The following TRIP12 variants were observed in gnomAD, a reference collection of about 807,000 sequenced individuals.
TRIP12 encodes E3 ubiquitin-protein ligase TRIP12.
A neutral mutation model predicts 244.2 loss-of-function variants in TRIP12; 25 were observed. The observed-to-expected ratio is 0.10, with a 90% CI of 0.07 to 0.14. TRIP12 has a LOEUF of 0.14. Ranked by LOEUF, TRIP12 falls within the 10% of genes least tolerant of loss-of-function variation. The pLI, the probability that TRIP12 is intolerant of heterozygous loss-of-function variation, is 1.00. For missense variants in TRIP12, 1,677 were observed against 2,486.4 expected (o/e 0.67, Z 6.92); for synonymous variants, 905 against 873.1 (o/e 1.04, Z -0.64).
At chr2:229,919,171 T>C (rs1360032322) in intron 1 of TRIP12, among the ~76,000 whole-genome samples, 1 of 152,168 alleles carries the variant, frequency 6.6e-6, no homozygotes, top group Non-Finnish European at 1.5e-5. Context: ...CCCAGCACTT[T>C]GGGTGACCAA....
intron 5 of TRIP12, among the ~76,000 whole-genome samples, chr2:229,839,071 T>C (rs772580952): frequency 6.6e-6 from 1 of 152,234 alleles, no homozygotes; most frequent in South Asian, 2.1e-4. Context: ...TGCTGCATAA[T>C]GTTGTTTCTG....
intron 26 of TRIP12, among the ~76,000 whole-genome samples, chr2:229,793,928 T>G (rs113470696): frequency 7.9e-5 from 12 of 151,980 alleles, no homozygotes; most frequent in African/African-American, 2.7e-4. Flanking sequence ...TCTTCCAATA[T>G]AGCCCAGGGA....
chr2:229,791,364 C>CCT, intron 29 of TRIP12, 113 bp from the exon 30 acceptor site: 1 of 1,188,374 alleles, frequency 8.4e-7, no homozygotes, highest in Non-Finnish European at 1.2e-6. Flanking sequence ...GATCTATTCT[C>CCT]CTCTCTCTCC....
chr2:229,769,352 A>G, intron 39 of TRIP12, 27 bp from the exon 40 acceptor site: 2 of 1,607,010 alleles, frequency 1.2e-6, no homozygotes. Flanking sequence ...GGGTAAAAAG[A>G]ATTACTAAGG....
intron 7 of TRIP12, among the ~76,000 whole-genome samples, chr2:229,830,007 T>G (rs913425103): frequency 6.6e-6 from 1 of 152,166 alleles, no homozygotes; most frequent in African/African-American, 2.4e-5. Context: ...TAGAGATACT[T>G]GTATGTTCCC....
In TRIP12 at chr2:229,793,164, A is replaced by C; in HGVS notation, c.3969-19T>G. 6.2e-7 allele frequency: 1 copy of C among 1,601,182 alleles called. No individual in the cohort carries two copies. ...AGAAAAGCTCAAGATAATTTGTGAA[A>C]AAAAAGTTAGTCTATTATTTTCACA... On this transcript the variant is annotated intron_variant, in intron 26 of 41. Transcript: ENST00000675903.
intron 4 of TRIP12, among the ~76,000 whole-genome samples, chr2:229,851,982 C>T (rs2058799120): frequency 6.6e-6 from 1 of 152,230 alleles, no homozygotes; most frequent in Admixed American, 6.5e-5. Flanking sequence ...TCCTGCTTAA[C>T]TCATTCTTAT....
intron 1 of TRIP12, among the ~76,000 whole-genome samples, chr2:229,907,121 TACA>T (rs1324696202): frequency 6.6e-6 from 1 of 152,216 alleles, no homozygotes; most frequent in Non-Finnish European, 1.5e-5. Flanking sequence ...TAAAAATAAA[TACA>T]CACTGTTGAC....
At chr2:229,840,967 A>G (rs1224165034) in intron 4 of TRIP12, 40 bp from the exon 5 acceptor site, 3 of 1,367,030 alleles carry the variant, frequency 2.2e-6, no homozygotes, top group Non-Finnish European at 3.0e-6. Context: ...TTATAATGAG[A>G]AATTATCACT....
intron 1 of TRIP12, chr2:229,921,436 G>C (rs2076540874): frequency 6.6e-6 from 1 of 151,786 alleles, no homozygotes; most frequent in East Asian, 2.0e-4. Context: ...AACCCTTGCC[G>C]TCTTCACACC....
At chr2:229,840,171 T>TAG (rs1440568116) in intron 5 of TRIP12, among the ~76,000 whole-genome samples, 1 of 152,180 alleles carries the variant, frequency 6.6e-6, no homozygotes, top group Non-Finnish European at 1.5e-5. Context: ...AGATGCTCAT[T>TAG]AGAAGTATAT....
chr2:229,896,171 G>A (rs1382984351), intron 1 of TRIP12, among the ~76,000 whole-genome samples: 5 of 152,138 alleles, frequency 3.3e-5, no homozygotes, highest in African/African-American at 1.2e-4. Context: ...TTATACTATA[G>A]AGTAAGATTC....
intron 1 of TRIP12, among the ~76,000 whole-genome samples, chr2:229,881,760 T>A (rs1389339592): frequency 6.6e-6 from 1 of 152,170 alleles, no homozygotes; most frequent in African/African-American, 2.4e-5. Flanking sequence ...TATGAAACTC[T>A]CATTTGTGTG....
chr2:229,912,688 TTAA>T (rs2154378608), intron 1 of TRIP12, among the ~76,000 whole-genome samples: 1 of 152,344 alleles, frequency 6.6e-6, no homozygotes, highest in East Asian at 1.9e-4. Flanking sequence ...GATCTTGTAC[TTAA>T]TAACAAATAT....
At chr2:229,833,620 A>T (rs1468611903) in intron 6 of TRIP12, among the ~76,000 whole-genome samples, 2 of 152,136 alleles carry the variant, frequency 1.3e-5, no homozygotes. Context: ...GCTGGTTTTG[A>T]CAGAAATTGG....
intron 2 of TRIP12, among the ~76,000 whole-genome samples, chr2:229,860,783 C>T (rs1044580788): frequency 1.1e-4 from 17 of 151,998 alleles, no homozygotes; most frequent in African/African-American, 4.1e-4. Flanking sequence ...AATTGCACAG[C>T]GTTGTTAAGG....
chr2:229,814,337 T>A lies in TRIP12; in HGVS notation c.1732-12A>T. The A allele has an allele frequency of 6.2e-7, 1 of 1,610,126 alleles. No individual in the cohort carries two copies. The highest frequency in any genetic ancestry group is 1.1e-5 in the South Asian group (1 of 90,618). On this transcript the variant is annotated splice_polypyrimidine_tract_variant and intron_variant, in intron 11 of 41. Coordinates refer to ENST00000675903, the MANE Select transcript of TRIP12 (RefSeq NM_001348323.3). ...TGAATAACTTGCAGCTGGGAACATA[T>A]ATATAGTTACCATAAGGTTATCATT...
intron 18 of TRIP12, among the ~76,000 whole-genome samples, chr2:229,804,874 T>A (rs1037585850): frequency 2.6e-5 from 4 of 151,988 alleles, no homozygotes; most frequent in African/African-American, 9.7e-5. Context: ...AACACTTATA[T>A]TATTTACTAT....
intron 2 of TRIP12, among the ~76,000 whole-genome samples, chr2:229,872,270 A>T (rs543961128): frequency 2.2e-4 from 33 of 152,204 alleles, no homozygotes; most frequent in African/African-American, 7.2e-4. Flanking sequence ...TCTCTCTTTT[A>T]AAAAAAGAAG....
Sources: gnomAD v4.1 joint callset for allele counts (sites outside exome capture counted in the v4.1 genomes callset) on GRCh38, gnomAD v4.1.1 for gene constraint, MANE v1.5 for transcripts, NCBI Gene and HGNC (gene_info 2026-07-23, HGNC 2026-07-21) for gene names.